ATP2C2: variants seen among roughly 807,000 people sequenced by gnomAD.
ATP2C2 encodes calcium-transporting ATPase type 2C member 2.
ATP2C2 carries 171 observed loss-of-function variants against 110.8 expected under a neutral mutation model. The observed-to-expected ratio is 1.54, with a 90% CI of 1.36 to 1.75. The LOEUF is 1.75. Among genes scored for constraint, ATP2C2 ranks in the 40% most tolerant of loss-of-function variants. ATP2C2 has a pLI of 0.00. For missense variants in ATP2C2, 1,963 were observed against 1,235.0 expected, an observed-to-expected ratio of 1.59 and a Z score of -8.84; for synonymous variants, 804 against 508.4, an observed-to-expected ratio of 1.58 and a Z score of -7.82.
intron 1 of ATP2C2, among the ~76,000 whole-genome samples, chr16:84,396,216 C>T (rs549247700): frequency 8.3e-6 from 1 of 120,170 alleles, no homozygotes; most frequent in East Asian, 2.4e-4. Context: ...TGTTTTCAAG[C>T]ATCGGGCGTG....
chr16:84,376,535 A>ATTT lies in ATP2C2; in HGVS notation c.99+7834_99+7836dup, dbSNP rs5741976. ...ACACATTATGAGATTTTTTTTGGCA[A>ATTT]TTTTTTTTTTTTTTTAGCTCATCAG... On this transcript the variant is annotated intron_variant, in intron 1 of 26. Transcript: ENST00000262429. Among the ~76,000 whole-genome samples the ATTT allele has an allele frequency of 6.8e-3, 989 of 145,126 alleles. 8 individuals are homozygous for ATTT. Among genetic ancestry groups the ATTT allele is most frequent in the South Asian group, 0.014 (66 of 4,584 alleles).
intron 1 of ATP2C2, among the ~76,000 whole-genome samples, chr16:84,393,468 C>G (rs959496766): frequency 6.6e-6 from 1 of 152,142 alleles, no homozygotes; most frequent in Middle Eastern, 3.4e-3. Context: ...AGGGCTATGT[C>G]CCGGTGGCCT....
At chr16:84,386,668 G>A (rs1204272052) in intron 1 of ATP2C2, among the ~76,000 whole-genome samples, 2 of 152,166 alleles carry the variant, frequency 1.3e-5, no homozygotes, top group Non-Finnish European at 2.9e-5. Flanking sequence ...GGACTTCAGG[G>A]GCTGGAAAAC....
At chr16:84,387,050 G>A (rs1158577283) in intron 1 of ATP2C2, among the ~76,000 whole-genome samples, 2 of 152,094 alleles carry the variant, frequency 1.3e-5, no homozygotes, top group African/African-American at 2.4e-5. Context: ...TGGGGTTGGG[G>A]GTGCAGATCT....
At chr16:84,421,093 A>G (rs1907290823) in intron 7 of ATP2C2, among the ~76,000 whole-genome samples, 1 of 152,234 alleles carries the variant, frequency 6.6e-6, no homozygotes, top group South Asian at 2.1e-4. Flanking sequence ...GGTGTTAGCC[A>G]CCATGCCCGG....
chr16:84,437,670 C>T (rs528518431), intron 11 of ATP2C2, among the ~76,000 whole-genome samples: 1 of 152,274 alleles, frequency 6.6e-6, no homozygotes, highest in East Asian at 1.9e-4. Context: ...TGCATGCCAC[C>T]ACACCTGGCT....
At position 84,403,048 on chromosome 16, in the gene ATP2C2, A is replaced by C. The variant is rs942162353; in HGVS notation, c.211-2080A>C. ...GTCTAGGAATTTATCCATTTCTTCTATATTTTCCAATTTATTGGCATATAG... is the reference window on the plus strand; with the variant it reads ...GTCTAGGAATTTATCCATTTCTTCTCTATTTTCCAATTTATTGGCATATAG... On this transcript the variant is annotated intron_variant, in intron 2 of 26. Transcript: ENST00000262429. Among the ~76,000 whole-genome samples, 5 of 152,052 alleles carry C rather than the reference A, an allele frequency of 3.3e-5. No individual in the cohort carries two copies. The East Asian group carries it at 9.6e-4, about 29-fold the overall frequency.
intron 2 of ATP2C2, chr16:84,404,678 A>G: frequency 3.0e-6 from 1 of 331,322 alleles, no homozygotes; most frequent in South Asian, 2.5e-5. Flanking sequence ...CATCTCTTGG[A>G]GCCCCACTAG....
chr16:84,439,099 A>T (rs1270650947), intron 11 of ATP2C2, 67 bp from the exon 12 acceptor site: 1 of 1,591,122 alleles, frequency 6.3e-7, no homozygotes, highest in African/African-American at 1.3e-5. Context: ...AAGCATTGCC[A>T]GCCCCAGCTG....
rs117968375 is a variant in ATP2C2 at position 84,461,521 on chromosome 16, C to T, written c.2482-193C>T. 1,161 of 637,546 alleles carry T rather than the reference C, an allele frequency of 1.8e-3. 15 individuals carry two copies. In the East Asian group the frequency reaches 0.027, roughly 15 times the overall value. The allele number at this position is 637,546 out of a possible 1,614,324, so 39.5% of individuals were successfully genotyped here. ...CCCCATCCTCATGGTGGCAGCAAAT[C>T]AGCATGTGCTGGGGAGACCCTGGGG... On this transcript the variant is annotated intron_variant, in intron 24 of 26. Transcript: ENST00000262429.
At chr16:84,414,493 C>T (rs1950274280) in intron 6 of ATP2C2, among the ~76,000 whole-genome samples, 1 of 152,096 alleles carries the variant, frequency 6.6e-6, no homozygotes, top group Admixed American at 6.6e-5. Context: ...CGCGCGTGTA[C>T]AGTAAGGAAA....
chr16:84,371,956 A>G (rs1452524839), intron 1 of ATP2C2, among the ~76,000 whole-genome samples: 1 of 152,206 alleles, frequency 6.6e-6, no homozygotes, highest in Non-Finnish European at 1.5e-5. Context: ...GTCACAGTTC[A>G]CTGTTTAATG....
intron 18 of ATP2C2, 60 bp downstream of exon 18, chr16:84,452,151 G>A (rs1187851278): frequency 1.3e-6 from 2 of 1,591,464 alleles, no homozygotes; most frequent in Non-Finnish European, 1.7e-6. Context: ...TACGATGGGG[G>A]GCTGCTACCA....
chr16:84,403,919 G>A (rs957621499), intron 2 of ATP2C2, among the ~76,000 whole-genome samples: 5 of 152,112 alleles, frequency 3.3e-5, no homozygotes, highest in African/African-American at 7.2e-5. Context: ...TCGAACTCCC[G>A]ACCTCAGGTG....
rs182679301 is a variant in ATP2C2, at chr16:84,462,110, G to A, written c.2703G>A (p.Thr901=). ...CCCCGCTGCAGAGGGTCTTCCAGAC[G>A]GAGAACCTGGGAGCGCTTGGTGAGT... ...YIPPLQRVFQ[T]ENLGALDLLF... Residue 901 remains threonine (T), a synonymous_variant, in exon 26 of 27, where the codon ACG becomes ACA. Coordinates refer to ENST00000262429, the MANE Select transcript of ATP2C2 (RefSeq NM_014861.4). The A allele has an allele frequency of 2.5e-4, 400 of 1,613,512 alleles. No homozygotes were observed. The Admixed American group carries it at 5.1e-3, about 21-fold the overall frequency.
intron 14 of ATP2C2, among the ~76,000 whole-genome samples, chr16:84,441,652 G>A (rs896022989): frequency 7.2e-5 from 11 of 152,208 alleles, no homozygotes; most frequent in African/African-American, 2.7e-4. Flanking sequence ...CAGGCGTGGT[G>A]GCTCATGCCT....
chr16:84,407,029 T>A (rs936429687), intron 3 of ATP2C2, among the ~76,000 whole-genome samples: 5 of 152,202 alleles, frequency 3.3e-5, no homozygotes, highest in African/African-American at 1.2e-4. Flanking sequence ...CAGCAATGCA[T>A]CTGTGGGAAT....
chr16:84,440,728 A>G (rs1909171108), intron 13 of ATP2C2, 129 bp from the exon 14 acceptor site: 3 of 690,270 alleles, frequency 4.3e-6, no homozygotes, highest in Non-Finnish European at 7.8e-6. Context: ...GAACATCTTC[A>G]TACTGAAAGC....
At chr16:84,403,942 T>C (rs1905527389) in intron 2 of ATP2C2, among the ~76,000 whole-genome samples, 2 of 152,140 alleles carry the variant, frequency 1.3e-5, no homozygotes, top group Non-Finnish European at 2.9e-5. Context: ...CTGCCTGCCT[T>C]GGCCTCCCAA....
Sources: allele counts gnomAD v4.1 joint callset (sites outside exome capture counted in the v4.1 genomes callset), GRCh38; gene constraint gnomAD v4.1.1; transcripts MANE v1.5; gene names NCBI Gene and HGNC (gene_info 2026-07-23, HGNC 2026-07-21).